COL14A1: variants seen among roughly 807,000 people sequenced by gnomAD.
COL14A1 encodes collagen type XIV alpha 1 chain, also known as collagen alpha-1(XIV) chain.
COL14A1 carries 136 observed loss-of-function variants against 230.3 expected under a neutral mutation model. The observed-to-expected ratio is 0.59, with a 90% CI of 0.51 to 0.68. The LOEUF is 0.68. Among genes scored for constraint, COL14A1 ranks in the 30% least tolerant of loss-of-function variants. COL14A1 has a pLI of 0.00. For missense variants in COL14A1, 1,976 were observed against 2,215.8 expected, an observed-to-expected ratio of 0.89 and a Z score of 2.17; for synonymous variants, 792 against 784.1, an observed-to-expected ratio of 1.01 and a Z score of -0.17.
chr8:120,191,984 C>G (rs2130687256), intron 5 of COL14A1, among the ~76,000 whole-genome samples: 1 of 151,548 alleles, frequency 6.6e-6, no homozygotes, highest in South Asian at 2.1e-4. Context: ...ACTGATGGGT[C>G]TTGACTCTTT....
At chr8:120,284,970 C>T (rs1264942987) in intron 32 of COL14A1, among the ~76,000 whole-genome samples, 1 of 152,056 alleles carries the variant, frequency 6.6e-6, no homozygotes, top group East Asian at 1.9e-4. Flanking sequence ...CTTTGGATCT[C>T]AAATTTCAGC....
intron 40 of COL14A1, among the ~76,000 whole-genome samples, chr8:120,329,640 G>T (rs1335048256): frequency 1.3e-5 from 2 of 152,096 alleles, no homozygotes; most frequent in Non-Finnish European, 2.9e-5. Context: ...ACTTATATCA[G>T]CATTAATTTG....
chr8:120,255,832 A>G (rs1586808909), intron 23 of COL14A1, among the ~76,000 whole-genome samples: 1 of 151,816 alleles, frequency 6.6e-6, no homozygotes, highest in Admixed American at 6.6e-5. Context: ...CCCTCATTCC[A>G]GAGATTTAAT....
chr8:120,204,617 C>A (rs964092342), intron 9 of COL14A1, among the ~76,000 whole-genome samples: 2 of 152,198 alleles, frequency 1.3e-5, no homozygotes, highest in Non-Finnish European at 2.9e-5. Flanking sequence ...TATGATGAAT[C>A]AAGCTGCTGT....
chr8:120,166,566 C>T (rs183798189), intron 4 of COL14A1, among the ~76,000 whole-genome samples: 19 of 152,240 alleles, frequency 1.2e-4, no homozygotes, highest in Admixed American at 1.0e-3. Context: ...TCACTCAGCA[C>T]AATCTTTCTC....
At chr8:120,259,450 A>G (rs1205129149) in intron 23 of COL14A1, among the ~76,000 whole-genome samples, 2 of 152,186 alleles carry the variant, frequency 1.3e-5, no homozygotes, top group African/African-American at 4.8e-5. Flanking sequence ...TGAGAGGTTG[A>G]GGAAATTAGT....
At chr8:120,281,089 A>C in intron 31 of COL14A1, 30 bp downstream of exon 31, 1 of 1,589,658 alleles carries the variant, frequency 6.3e-7, no homozygotes, top group South Asian at 1.1e-5. Context: ...TTTTAAAGTC[A>C]TCGTATGTTT....
intron 32 of COL14A1, 26 bp from the exon 33 acceptor site, chr8:120,285,835 A>G: frequency 4.2e-6 from 6 of 1,435,188 alleles, no homozygotes; most frequent in Non-Finnish European, 5.7e-6. Flanking sequence ...ATTATTTCTA[A>G]AATATTTTTA....
At chr8:120,333,247 C>A (rs913684249) in intron 42 of COL14A1, among the ~76,000 whole-genome samples, 3 of 152,150 alleles carry the variant, frequency 2.0e-5, no homozygotes, top group Non-Finnish European at 4.4e-5. Context: ...GATTGTTGTA[C>A]TTCTAGTCTC....
chr8:120,146,982 G>C lies in COL14A1; in HGVS notation c.-37-824G>C, dbSNP rs558380444. Among the ~76,000 whole-genome samples the C allele has an allele frequency of 1.0e-3, 158 of 152,014 alleles. 1 individual carries two copies. Among genetic ancestry groups the C allele is most frequent in the African/African-American group, 3.5e-3 (147 of 41,512 alleles). ...TAGAATGGTCTTTTAAATTAATACA[G>C]AACATTCATTGTTTTTTCCCCTCCA... On this transcript the variant is annotated intron_variant, in intron 1 of 47. Coordinates refer to ENST00000297848, the MANE Select transcript of COL14A1 (RefSeq NM_021110.4).
intron 26 of COL14A1, among the ~76,000 whole-genome samples, chr8:120,277,244 C>T (rs1308153528): frequency 6.6e-6 from 1 of 152,098 alleles, no homozygotes. Flanking sequence ...TCTTTTGCAG[C>T]TCAGTTTCCT....
At chr8:120,231,321 T>C (rs909826928) in intron 18 of COL14A1, 146 bp from the exon 19 acceptor site, 2 of 787,640 alleles carry the variant, frequency 2.5e-6, no homozygotes, top group Admixed American at 2.9e-5. Context: ...TTAAGCACCA[T>C]AGCTGAGCCC....
At chr8:120,311,092 G>C (rs1476727409) in intron 37 of COL14A1, among the ~76,000 whole-genome samples, 2 of 152,202 alleles carry the variant, frequency 1.3e-5, no homozygotes. Context: ...AGAAGTAAAT[G>C]AAAGAAGGCT....
chr8:120,341,326 G>A lies in COL14A1; in HGVS notation c.4787G>A (p.Gly1596Asp), dbSNP rs763770560. The change falls in exon 43 of 48, where the codon GGT (glycine) becomes GAT (aspartate). Residue 1596 changes from glycine (G) to aspartate (D), a missense_variant and splice_region_variant. Physicochemically the swap from Gly to Asp is moderately conservative, Grantham distance 94. Around this residue, in one of 3 missense-constraint regions of COL14A1, gnomAD observed 1,791 missense variants for 2,019.5 expected, o/e 0.89. Transcript: ENST00000297848. ...CTTGACAATTTTCCATTTATACAGG[G>A]TGTCCCTGGAGCAAAGGGGGAACGA... ...MGPQGALGPPGVPGAKGERGE... is the reference protein window; with the variant it reads ...MGPQGALGPPDVPGAKGERGE... 6.2e-7 allele frequency: 1 copy of A among 1,614,140 alleles called. No individual in the cohort carries two copies.
chr8:120,148,024 G>C, intron 2 of COL14A1, 94 bp downstream of exon 2: 1 of 924,008 alleles, frequency 1.1e-6, no homozygotes, highest in Non-Finnish European at 1.7e-6. Context: ...CAATATGTCG[G>C]CTTTTACTGA....
chr8:120,237,221 T>C (rs1012623649), intron 19 of COL14A1, among the ~76,000 whole-genome samples: 1 of 152,216 alleles, frequency 6.6e-6, no homozygotes, highest in African/African-American at 2.4e-5. Context: ...CTTCGTTCCA[T>C]TCTCCCTGTC....
At chr8:120,126,188 G>A (rs1814329349) in intron 1 of COL14A1, among the ~76,000 whole-genome samples, 1 of 152,218 alleles carries the variant, frequency 6.6e-6, no homozygotes, top group African/African-American at 2.4e-5. Flanking sequence ...ATAGGCATCC[G>A]GGGCAGCTGG....
chr8:120,358,191 T>C (rs1277665016), intron 45 of COL14A1, among the ~76,000 whole-genome samples: 1 of 152,232 alleles, frequency 6.6e-6, no homozygotes, highest in Non-Finnish European at 1.5e-5. Context: ...TTTGAACAGA[T>C]ATTTGATAAA....
intron 35 of COL14A1, among the ~76,000 whole-genome samples, chr8:120,298,425 A>G (rs1033851848): frequency 1.3e-5 from 2 of 151,310 alleles, no homozygotes; most frequent in Admixed American, 1.3e-4. Context: ...CTAGAAAACT[A>G]AACATTTAAA....
Sources: allele counts gnomAD v4.1 joint callset (sites outside exome capture counted in the v4.1 genomes callset), GRCh38; gene constraint gnomAD v4.1.1; regional missense constraint gnomAD v4.1.1; transcripts MANE v1.5; gene names NCBI Gene and HGNC (gene_info 2026-07-23, HGNC 2026-07-21).